Variants in AGBL4 observed in about 807,000 individuals in gnomAD.
The protein encoded by AGBL4 is AGBL carboxypeptidase 4, also known as cytosolic carboxypeptidase 6.
A neutral mutation model predicts 66.4 loss-of-function variants in AGBL4; 58 were observed. The ratio of observed to expected loss-of-function variants is 0.87; its 90% CI spans 0.71 to 1.09. The LOEUF is 1.09. Among genes scored for constraint, AGBL4 ranks in the 50% least tolerant of loss-of-function variants. The pLI is 0.00. For missense variants in AGBL4, 579 were observed against 631.0 expected, an observed-to-expected ratio of 0.92 and a Z score of 0.88; for synonymous variants, 234 against 222.9, an observed-to-expected ratio of 1.05 and a Z score of -0.44.
intron 3 of AGBL4, among the ~76,000 whole-genome samples, chr1:49,650,498 G>T (rs751483062): frequency 6.6e-6 from 1 of 152,102 alleles, no homozygotes; most frequent in African/African-American, 2.4e-5. Context: ...GCTCATGGAG[G>T]TGCATTCACA....
intron 5 of AGBL4, among the ~76,000 whole-genome samples, chr1:49,028,360 C>T (rs923765956): frequency 6.6e-6 from 1 of 152,082 alleles, no homozygotes; most frequent in Non-Finnish European, 1.5e-5. Flanking sequence ...AATCAGCTAG[C>T]GATTAATACA....
chr1:49,543,940 G>A (rs1020618046), intron 3 of AGBL4, among the ~76,000 whole-genome samples: 3 of 152,266 alleles, frequency 2.0e-5, no homozygotes, highest in Admixed American at 1.3e-4. Context: ...TTTCAGCTGG[G>A]GATGAACATT....
intron 7 of AGBL4, among the ~76,000 whole-genome samples, chr1:48,662,673 T>C (rs1406698423): frequency 6.6e-6 from 1 of 152,234 alleles, no homozygotes; most frequent in Non-Finnish European, 1.5e-5. Context: ...TGATGCCAAG[T>C]GTGCTTACTC....
chr1:49,658,207 A>C (rs1439311316), intron 3 of AGBL4, among the ~76,000 whole-genome samples: 1 of 152,238 alleles, frequency 6.6e-6, no homozygotes, highest in Non-Finnish European at 1.5e-5. Flanking sequence ...GGATATGAAC[A>C]GACACTTCTC....
At chr1:49,339,623 G>A (rs890017498) in intron 3 of AGBL4, among the ~76,000 whole-genome samples, 1 of 152,188 alleles carries the variant, frequency 6.6e-6, no homozygotes, top group East Asian at 1.9e-4. Flanking sequence ...AGATCATTTA[G>A]TGCTGATGTT....
At chr1:49,382,208 C>T (rs1340007869) in intron 3 of AGBL4, among the ~76,000 whole-genome samples, 1 of 151,950 alleles carries the variant, frequency 6.6e-6, no homozygotes, top group Non-Finnish European at 1.5e-5. Flanking sequence ...GTAATAATAA[C>T]AGGAACAAGA....
intron 1 of AGBL4, among the ~76,000 whole-genome samples, chr1:49,926,072 A>C (rs1652741050): frequency 6.6e-6 from 1 of 152,196 alleles, no homozygotes; most frequent in Non-Finnish European, 1.5e-5. Context: ...ACCTCGAGCA[A>C]GACTCAGGGC....
chr1:49,065,185 T>C (rs566214862), intron 4 of AGBL4, among the ~76,000 whole-genome samples: 79 of 152,238 alleles, frequency 5.2e-4, no homozygotes, highest in Non-Finnish European at 2.6e-4. Context: ...ACACAGCTAG[T>C]CAATGGCAGC....
intron 3 of AGBL4, among the ~76,000 whole-genome samples, chr1:49,640,126 T>C (rs1050691330): frequency 6.6e-6 from 1 of 152,112 alleles, no homozygotes; most frequent in Admixed American, 6.6e-5. Context: ...GAAGCACACA[T>C]AAAAATTTAG....
chr1:49,423,121 G>A (rs763400599), intron 3 of AGBL4: 2 of 152,092 alleles, frequency 1.3e-5, no homozygotes, highest in Non-Finnish European at 2.9e-5. Flanking sequence ...GTTACCCTAC[G>A]AACCACATAT....
chr1:49,002,490 A>G (rs1661469194), intron 5 of AGBL4, among the ~76,000 whole-genome samples: 1 of 152,234 alleles, frequency 6.6e-6, no homozygotes, highest in Admixed American at 6.5e-5. Context: ...CTGTACCTTC[A>G]AAACAATAGA....
intron 3 of AGBL4, among the ~76,000 whole-genome samples, chr1:49,653,736 T>C (rs952396866): frequency 6.6e-6 from 1 of 151,050 alleles, no homozygotes; most frequent in Non-Finnish European, 1.5e-5. Flanking sequence ...GCTTGAAGAC[T>C]GTCTTGCTGA....
intron 11 of AGBL4, among the ~76,000 whole-genome samples, chr1:48,543,494 G>A (rs1242026414): frequency 6.6e-6 from 1 of 152,154 alleles, no homozygotes; most frequent in Non-Finnish European, 1.5e-5. Flanking sequence ...TTGTGTGAGA[G>A]GAGTGTTTGG....
chr1:48,797,806 C>T (rs576838905), intron 6 of AGBL4, among the ~76,000 whole-genome samples: 13 of 152,240 alleles, frequency 8.5e-5, no homozygotes, highest in East Asian at 1.9e-4. Context: ...CTCAGCCTCC[C>T]GAAGTGTTAG....
intron 5 of AGBL4, among the ~76,000 whole-genome samples, chr1:48,870,475 T>C (rs1225588025): frequency 1.3e-5 from 2 of 152,204 alleles, no homozygotes; most frequent in Non-Finnish European, 2.9e-5. Flanking sequence ...TCAACTATGC[T>C]GTTATGCCTC....
intron 3 of AGBL4, among the ~76,000 whole-genome samples, chr1:49,658,402 T>C (rs1473590334): frequency 6.6e-6 from 1 of 152,230 alleles, no homozygotes; most frequent in South Asian, 2.1e-4. Context: ...ACTTTTACAC[T>C]GTTGGTGGGA....
intron 1 of AGBL4, among the ~76,000 whole-genome samples, chr1:49,905,276 G>C (rs1482025896): frequency 6.6e-6 from 1 of 152,080 alleles, no homozygotes; most frequent in Non-Finnish European, 1.5e-5. Flanking sequence ...TGACATGGGT[G>C]GATTAAAGCA....
At chr1:49,088,570 C>A (rs979776405) in intron 4 of AGBL4, among the ~76,000 whole-genome samples, 8 of 152,098 alleles carry the variant, frequency 5.3e-5, no homozygotes, top group Admixed American at 1.3e-4. Flanking sequence ...AAAATATGTA[C>A]ACCCAACACA....
chr1:49,618,828 A>G (rs899829523), intron 3 of AGBL4, among the ~76,000 whole-genome samples: 2 of 152,226 alleles, frequency 1.3e-5, no homozygotes, highest in Admixed American at 6.5e-5. Flanking sequence ...ATGCAAATCA[A>G]TAAACGTAAT....
Sources: allele counts gnomAD v4.1 joint callset (sites outside exome capture counted in the v4.1 genomes callset), GRCh38; gene constraint gnomAD v4.1.1; transcripts MANE v1.5; gene names NCBI Gene and HGNC (gene_info 2026-07-23, HGNC 2026-07-21).